Variants in MCF2L observed in about 807,000 individuals in gnomAD.
The protein encoded by MCF2L is MCF.2 cell line derived transforming sequence like.
MCF2L carries 97 observed loss-of-function variants against 153.4 expected under a neutral mutation model. That is an observed-to-expected ratio of 0.63 (90% CI 0.54 to 0.75). The LOEUF (loss-of-function observed/expected upper bound fraction) is 0.75. Among genes scored for constraint, MCF2L ranks in the 30% least tolerant of loss-of-function variants. MCF2L has a pLI of 0.00. For synonymous variants in MCF2L, 659 were observed against 632.2 expected, an observed-to-expected ratio of 1.04 and a Z score of -0.64; for missense variants, 1,347 against 1,495.2, an observed-to-expected ratio of 0.90 and a Z score of 1.64.
intron 2 of MCF2L, among the ~76,000 whole-genome samples, chr13:112,952,612 T>A (rs115886327): frequency 0.44 from 66,386 of 151,478 alleles, 14,624 homozygotes; most frequent in South Asian, 0.49. Flanking sequence ...GTTTGGGGCA[T>A]ATCTGGTGGG....
In MCF2L at chr13:113,077,045, G is replaced by A. The variant is rs1400513598; in HGVS notation, c.1501-7G>A. ...TGCAAGGCACCTTACTGAGCATGCGGTTTCAGGAGCACGTGCGAAAGGTCT... is the reference window on the plus strand; with the variant it reads ...TGCAAGGCACCTTACTGAGCATGCGATTTCAGGAGCACGTGCGAAAGGTCT... On this transcript the variant is annotated splice_region_variant and splice_polypyrimidine_tract_variant and intron_variant, in intron 12 of 29. Transcript: ENST00000535094. 1.2e-6 allele frequency: 2 copies of A among 1,608,326 alleles called. No homozygotes were observed. Among genetic ancestry groups the A allele is most frequent in the South Asian group, 2.2e-5 (2 of 90,550 alleles).
intron 4 of MCF2L, among the ~76,000 whole-genome samples, chr13:113,055,089 C>T (rs189403556): frequency 4.6e-5 from 7 of 152,076 alleles, no homozygotes; most frequent in African/African-American, 7.2e-5. Flanking sequence ...TTAATACAAA[C>T]GGTCAACTCC....
chr13:113,047,419 T>G (rs761832145), intron 4 of MCF2L: 2 of 152,170 alleles, frequency 1.3e-5, no homozygotes, highest in African/African-American at 2.4e-5. Flanking sequence ...AAAAATTAAA[T>G]CATAAGAACC....
At chr13:112,917,671 C>T (rs1458112899) in intron 2 of MCF2L, 1 of 166,772 alleles carries the variant, frequency 6.0e-6, no homozygotes, top group Non-Finnish European at 1.3e-5. Context: ...GCCGCAGTTC[C>T]CCCTGATGTT....
intron 4 of MCF2L, among the ~76,000 whole-genome samples, chr13:113,047,701 G>A (rs1356298555): frequency 1.3e-5 from 2 of 152,360 alleles, no homozygotes; most frequent in African/African-American, 2.4e-5. Context: ...GTGGGGTCCA[G>A]GCACCTGCAT....
At chr13:113,017,879 C>T (rs1195292250) in intron 2 of MCF2L, among the ~76,000 whole-genome samples, 2 of 152,212 alleles carry the variant, frequency 1.3e-5, no homozygotes, top group African/African-American at 4.8e-5. Flanking sequence ...CGTGAAGTGC[C>T]AGAGCAAAAA....
chr13:112,948,159 C>T (rs1186184826), intron 2 of MCF2L, among the ~76,000 whole-genome samples: 1 of 152,164 alleles, frequency 6.6e-6, no homozygotes, highest in Non-Finnish European at 1.5e-5. Flanking sequence ...GGCATGGCAA[C>T]CCTGAAGATC....
intron 1 of MCF2L, chr13:113,009,530 C>A (rs1291195625): frequency 3.3e-5 from 5 of 151,980 alleles, no homozygotes; most frequent in African/African-American, 1.2e-4. Context: ...TGTGGACGCC[C>A]CTTTTGTCCC....
chr13:112,913,213 G>A (rs1419732456), intron 2 of MCF2L, among the ~76,000 whole-genome samples: 1 of 150,464 alleles, frequency 6.6e-6, no homozygotes, highest in Non-Finnish European at 1.5e-5. Context: ...ATCTCTGTAT[G>A]TATGGGGTGT....
intron 1 of MCF2L, among the ~76,000 whole-genome samples, chr13:112,973,494 A>G (rs2082118910): frequency 6.6e-6 from 1 of 152,182 alleles, no homozygotes; most frequent in African/African-American, 2.4e-5. Context: ...CTTGTGAGGA[A>G]ACCGTGAGTC....
intron 3 of MCF2L, chr13:113,040,381 A>C (rs1285807751): frequency 7.3e-6 from 1 of 137,236 alleles, no homozygotes; most frequent in Non-Finnish European, 1.6e-5. Flanking sequence ...GGGCCAAGGT[A>C]ACCGAGTCGC....
At chr13:113,050,192 G>A (rs1207108211) in intron 4 of MCF2L, among the ~76,000 whole-genome samples, 3 of 151,726 alleles carry the variant, frequency 2.0e-5, no homozygotes, top group African/African-American at 7.3e-5. Context: ...GTGTGTGCGA[G>A]CGAGTGGGAG....
chr13:112,902,415 A>G, intron 2 of MCF2L: 2 of 1,588,518 alleles, frequency 1.3e-6, no homozygotes, highest in Non-Finnish European at 1.7e-6. Context: ...TGCAGGTCTC[A>G]CTGCTGATCA....
rs771270275 is a variant in MCF2L, at chr13:113,082,433, G to A, written c.1882G>A (p.Ala628Thr). The change falls in exon 17 of 30, where the codon GCC becomes ACC. Residue 628 changes from alanine (A) to threonine (T), a missense_variant. Physicochemically the swap from Ala to Thr is moderately conservative, Grantham distance 58. This residue lies in a region of MCF2L where 820 missense variants were observed against 921.2 expected (regional missense o/e 0.89). Transcript: ENST00000535094. ...CTCTGCGCTCTCCCTGCAGGGCTACGCCGCGGAGATGGATAACCCACTGAT... is the reference window on the plus strand; with the variant it reads ...CTCTGCGCTCTCCCTGCAGGGCTACACCGCGGAGATGGATAACCCACTGAT... The part of the protein sequence containing the change: ...EELLCVLEGY[A>T]AEMDNPLMAH... 8.7e-6 allele frequency: 14 copies of A among 1,610,868 alleles called. No individual in the cohort carries two copies. Among genetic ancestry groups the A allele is most frequent in the Admixed American group, 3.3e-5 (2 of 59,976 alleles).
intron 26 of MCF2L, 67 bp from the exon 27 acceptor site, chr13:113,094,447 C>G (rs566015487): frequency 3.3e-6 from 5 of 1,526,938 alleles, no homozygotes; most frequent in Admixed American, 2.1e-5. Context: ...TAGCTGACCC[C>G]ACCTCAGACA....
At chr13:113,007,171 C>T (rs1566724265) in intron 1 of MCF2L, among the ~76,000 whole-genome samples, 1 of 152,206 alleles carries the variant, frequency 6.6e-6, no homozygotes, top group Non-Finnish European at 1.5e-5. Flanking sequence ...GGCATGAGTG[C>T]ACACAGATCC....
chr13:112,899,556 A>G (rs370329754), intron 1 of MCF2L, among the ~76,000 whole-genome samples: 8 of 152,130 alleles, frequency 5.3e-5, no homozygotes, highest in Non-Finnish European at 8.8e-5. Context: ...TCTTGGGGTT[A>G]ACTCTGGTGT....
chr13:112,903,180 G>A (rs1043169095), intron 2 of MCF2L, among the ~76,000 whole-genome samples: 21 of 152,204 alleles, frequency 1.4e-4, no homozygotes, highest in African/African-American at 4.6e-4. Context: ...TGGACAGGAC[G>A]TGCAGGCTTC....
At chr13:112,967,956 A>G, upstream of MCF2L, 1 of 174,530 alleles carries the variant, frequency 5.7e-6, no homozygotes, top group Non-Finnish European at 1.2e-5. Flanking sequence ...GGATGCTGGA[A>G]TGGTGCACGC....
Sources: allele counts gnomAD v4.1 joint callset (sites outside exome capture counted in the v4.1 genomes callset), GRCh38; gene constraint gnomAD v4.1.1; regional missense constraint gnomAD v4.1.1; transcripts MANE v1.5; gene names NCBI Gene and HGNC (gene_info 2026-07-23, HGNC 2026-07-21).